The following PLCB1 variants were observed in gnomAD, a reference collection of about 807,000 sequenced individuals.
PLCB1 encodes phospholipase C beta 1.
Under a neutral mutation model 161.8 loss-of-function variants are expected in PLCB1, and 46 were observed. The observed-to-expected ratio is 0.28, with a 90% CI of 0.22 to 0.36. PLCB1 has a LOEUF of 0.36. PLCB1 is among the 10% of genes least tolerant of loss of function. PLCB1 has a pLI of 1.00. For missense variants in PLCB1, 1,016 were observed against 1,472.5 expected, an observed-to-expected ratio of 0.69 and a Z score of 5.07; for synonymous variants, 517 against 503.7, an observed-to-expected ratio of 1.03 and a Z score of -0.35.
At chr20:8,760,666 C>T (rs1192679700) in intron 25 of PLCB1, among the ~76,000 whole-genome samples, 9 of 152,282 alleles carry the variant, frequency 5.9e-5, no homozygotes, top group Non-Finnish European at 4.4e-5. Context: ...GTAGCTAGAA[C>T]CCTACTGGCA....
rs150522896 is a variant in PLCB1 at position 8,706,075 on chromosome 20, A to G, written c.1168-2595A>G. ...AGGATCACAGTGATTTACAACCACA[A>G]CGGTTTACTTCTCACACAGGTTAGA... is the stretch of plus-strand genomic sequence containing the variant. On this transcript the variant is annotated intron_variant, in intron 11 of 31. Coordinates refer to ENST00000338037, the MANE Select transcript of PLCB1 (RefSeq NM_015192.4). Among the ~76,000 whole-genome samples, 200 of 152,364 alleles carry G rather than the reference A, an allele frequency of 1.3e-3. 1 individual carries two copies. The highest frequency in any genetic ancestry group is 4.4e-3 in the African/African-American group (184 of 41,582).
intron 3 of PLCB1, among the ~76,000 whole-genome samples, chr20:8,456,988 T>C (rs550116986): frequency 1.2e-4 from 18 of 152,370 alleles, no homozygotes; most frequent in African/African-American, 4.3e-4. Flanking sequence ...GATTGGGACA[T>C]AAAGAGTCTA....
At chr20:8,635,473 A>G (rs991967920) in intron 4 of PLCB1, among the ~76,000 whole-genome samples, 2 of 152,272 alleles carry the variant, frequency 1.3e-5, no homozygotes, top group African/African-American at 4.8e-5. Flanking sequence ...CTTTTCCTAG[A>G]ATAATTCTCT....
chr20:8,424,280 TGA>T (rs1979654318), intron 3 of PLCB1, among the ~76,000 whole-genome samples: 1 of 152,216 alleles, frequency 6.6e-6, no homozygotes, highest in Non-Finnish European at 1.5e-5. Flanking sequence ...GATTCATGTT[TGA>T]GTCATAGGAC....
chr20:8,547,092 G>GA (rs1275130222), intron 3 of PLCB1, among the ~76,000 whole-genome samples: 2 of 152,142 alleles, frequency 1.3e-5, no homozygotes, highest in African/African-American at 4.8e-5. Context: ...ATTCTTCTCT[G>GA]AAGAACCCAG....
chr20:8,256,491 G>A (rs1490946411), intron 2 of PLCB1, among the ~76,000 whole-genome samples: 2 of 152,108 alleles, frequency 1.3e-5, no homozygotes, highest in African/African-American at 2.4e-5. Flanking sequence ...AAGAATTGAA[G>A]GCATGTTGAG....
chr20:8,252,752 G>C (rs990917743), intron 2 of PLCB1, among the ~76,000 whole-genome samples: 3 of 151,892 alleles, frequency 2.0e-5, no homozygotes, highest in African/African-American at 7.2e-5. Flanking sequence ...AATTTCGCTA[G>C]CCAGACCACT....
At chr20:8,582,254 C>G (rs1986856542) in intron 3 of PLCB1, among the ~76,000 whole-genome samples, 2 of 152,184 alleles carry the variant, frequency 1.3e-5, no homozygotes, top group Admixed American at 1.3e-4. Flanking sequence ...GTGTTGGCAG[C>G]TAACAACTCA....
At chr20:8,713,508 T>G (rs1204267640) in intron 12 of PLCB1, among the ~76,000 whole-genome samples, 3 of 152,138 alleles carry the variant, frequency 2.0e-5, no homozygotes, top group Non-Finnish European at 1.5e-5. Context: ...AACGTCTACA[T>G]TAGACATAGA....
chr20:8,310,154 T>TA (rs1362305643), intron 2 of PLCB1, among the ~76,000 whole-genome samples: 5 of 152,216 alleles, frequency 3.3e-5, no homozygotes, highest in African/African-American at 1.2e-4. Context: ...TTGTTTTTGT[T>TA]ACGGTGGGTC....
intron 31 of PLCB1, among the ~76,000 whole-genome samples, chr20:8,868,330 G>A (rs369026426): frequency 4.6e-5 from 7 of 152,088 alleles, no homozygotes; most frequent in African/African-American, 1.7e-4. Flanking sequence ...GAGGGTCCTC[G>A]TTGTTTTCCA....
At chr20:8,193,224 A>T (rs770961876) in intron 2 of PLCB1, among the ~76,000 whole-genome samples, 1 of 151,968 alleles carries the variant, frequency 6.6e-6, no homozygotes, top group African/African-American at 2.4e-5. Flanking sequence ...GATGATAACT[A>T]TCAAAATTAC....
intron 31 of PLCB1, among the ~76,000 whole-genome samples, chr20:8,852,031 CA>C (rs537564056): frequency 6.6e-6 from 1 of 152,098 alleles, no homozygotes; most frequent in Non-Finnish European, 1.5e-5. Context: ...TCTACAACAA[CA>C]AAAAAAGAAG....
At chr20:8,489,486 G>A (rs1383316419) in intron 3 of PLCB1, among the ~76,000 whole-genome samples, 1 of 152,082 alleles carries the variant, frequency 6.6e-6, no homozygotes, top group Non-Finnish European at 1.5e-5. Context: ...TTTGTGAAAA[G>A]CATAACTTGG....
chr20:8,337,332 C>G (rs1170844561), intron 2 of PLCB1, among the ~76,000 whole-genome samples: 1 of 152,178 alleles, frequency 6.6e-6, no homozygotes, highest in African/African-American at 2.4e-5. Context: ...GGCAGTCTAG[C>G]TTCCAAGTTG....
intron 3 of PLCB1, among the ~76,000 whole-genome samples, chr20:8,552,421 A>T (rs1474145855): frequency 6.6e-6 from 1 of 152,162 alleles, no homozygotes; most frequent in Non-Finnish European, 1.5e-5. Context: ...AGGGAAGTGG[A>T]TGGATGAAAG....
intron 3 of PLCB1, among the ~76,000 whole-genome samples, chr20:8,391,846 A>G (rs1345048242): frequency 7.2e-6 from 1 of 138,266 alleles, no homozygotes; most frequent in African/African-American, 2.7e-5. Context: ...TATATATATT[A>G]CTTGAACTTC....
chr20:8,515,091 C>T (rs891267446), intron 3 of PLCB1, among the ~76,000 whole-genome samples: 2 of 152,104 alleles, frequency 1.3e-5, no homozygotes, highest in African/African-American at 4.8e-5. Flanking sequence ...CAAACAAAAA[C>T]ATAGAAGGTA....
chr20:8,828,394 A>G (rs1348055333), intron 31 of PLCB1, among the ~76,000 whole-genome samples: 3 of 152,236 alleles, frequency 2.0e-5, no homozygotes, highest in Non-Finnish European at 2.9e-5. Flanking sequence ...CAGCAATGCC[A>G]ATTATCTTCC....
Sources: gnomAD v4.1 joint callset for allele counts (sites outside exome capture counted in the v4.1 genomes callset) on GRCh38, gnomAD v4.1.1 for gene constraint, MANE v1.5 for transcripts, NCBI Gene and HGNC (gene_info 2026-07-23, HGNC 2026-07-21) for gene names.